The following KIAA0825 variants were observed in gnomAD, a reference collection of about 807,000 sequenced individuals.
KIAA0825 encodes the protein uncharacterized protein KIAA0825.
A neutral mutation model predicts 147.6 loss-of-function variants in KIAA0825; 119 were observed. The ratio of observed to expected loss-of-function variants is 0.81; its 90% confidence interval spans 0.69 to 0.94. The LOEUF (loss-of-function observed/expected upper bound fraction) is 0.94, where lower values mean the gene tolerates loss of function less well. Ranked by LOEUF, KIAA0825 falls within the 40% of genes least tolerant of loss-of-function variation. The pLI is 0.00. For synonymous variants in KIAA0825, 470 were observed against 518.1 expected (o/e 0.91, Z 1.26); for missense variants, 1,381 against 1,472.7 (o/e 0.94, Z 1.02).
chr5:94,332,173 A>G (rs1391535347), intron 20 of KIAA0825, among the ~76,000 whole-genome samples: 1 of 151,126 alleles, frequency 6.6e-6, no homozygotes, highest in Non-Finnish European at 1.5e-5. Flanking sequence ...AAAAAAAAAA[A>G]AAAAAGAAAA....
At chr5:94,339,073 T>C (rs1782095956) in intron 20 of KIAA0825, among the ~76,000 whole-genome samples, 1 of 152,186 alleles carries the variant, frequency 6.6e-6, no homozygotes, top group South Asian at 2.1e-4. Flanking sequence ...AAAATATTAA[T>C]AATGCTTTTT....
intron 13 of KIAA0825, among the ~76,000 whole-genome samples, chr5:94,450,250 G>T (rs898122221): frequency 8.7e-5 from 13 of 149,728 alleles, no homozygotes; most frequent in Admixed American, 2.7e-4. Flanking sequence ...TTTTCTATAT[G>T]TACTTTTTTT....
intron 20 of KIAA0825, among the ~76,000 whole-genome samples, chr5:94,175,870 C>T (rs1769047010): frequency 6.6e-6 from 1 of 152,026 alleles, no homozygotes; most frequent in African/African-American, 2.4e-5. Context: ...TTTGCCATAA[C>T]CTATAAATTT....
chr5:94,469,866 G>T, intron 10 of KIAA0825, 95 bp downstream of exon 10: 1 of 975,514 alleles, frequency 1.0e-6, no homozygotes, highest in Non-Finnish European at 1.4e-6. Flanking sequence ...TCGGGTATTA[G>T]TAATGCCAAG....
At chr5:94,405,898 C>T (rs1437010502) in intron 15 of KIAA0825, among the ~76,000 whole-genome samples, 1 of 152,024 alleles carries the variant, frequency 6.6e-6, no homozygotes, top group East Asian at 1.9e-4. Context: ...CCCTTTTCTA[C>T]TTTTACTGCT....
At chr5:94,394,306 C>T (rs1010555220) in intron 17 of KIAA0825, among the ~76,000 whole-genome samples, 8 of 152,172 alleles carry the variant, frequency 5.3e-5, no homozygotes, top group African/African-American at 1.9e-4. Flanking sequence ...GATATCATTT[C>T]AGAAATTGAG....
chr5:94,611,250 T>C (rs1040675571), intron 1 of KIAA0825, among the ~76,000 whole-genome samples: 2 of 152,254 alleles, frequency 1.3e-5, no homozygotes, highest in African/African-American at 4.8e-5. Flanking sequence ...CTGGTTCAAG[T>C]CACATGTTTC....
In KIAA0825 at chr5:94,229,618, G is replaced by A. The variant is rs372393092; in HGVS notation, c.3711-75494C>T. 5.7e-4 allele frequency among the ~76,000 whole-genome samples: 87 copies of A among 151,382 alleles called. 1 individual carries two copies. Among genetic ancestry groups the A allele is most frequent in the African/African-American group, 1.9e-3 (80 of 41,288 alleles). On this transcript the variant is annotated intron_variant, in intron 20 of 20. Coordinates refer to ENST00000682413, the MANE Select transcript of KIAA0825 (RefSeq NM_001145678.3). ...TATTTGGGCGTTAGGAAGACATCTCGAATTGTTATCGTTTCCTGTATTTTC... is the reference window on the plus strand; with the variant it reads ...TATTTGGGCGTTAGGAAGACATCTCAAATTGTTATCGTTTCCTGTATTTTC...
At chr5:94,330,412 A>G (rs1781150680) in intron 20 of KIAA0825, among the ~76,000 whole-genome samples, 1 of 152,212 alleles carries the variant, frequency 6.6e-6, no homozygotes, top group Non-Finnish European at 1.5e-5. Flanking sequence ...AATCAATAAC[A>G]AGGATATCTG....
At chr5:94,232,539 T>C (rs1377994692) in intron 20 of KIAA0825, among the ~76,000 whole-genome samples, 1 of 146,922 alleles carries the variant, frequency 6.8e-6, no homozygotes, top group Non-Finnish European at 1.5e-5. Flanking sequence ...TTACTTTTTT[T>C]ATGGAGGGAT....
In KIAA0825 at chr5:94,518,579, T is replaced by A. The variant is rs376366905; in HGVS notation, c.970+1669A>T. On this transcript the variant is annotated intron_variant, in intron 5 of 20. Coordinates refer to ENST00000682413, the MANE Select transcript of KIAA0825 (RefSeq NM_001145678.3). Reference sequence around the variant, plus strand: ...GTATCAATCCTGATTTCATACAACATGATCAGGGCAAGTTAATCTTTCTAA... The same window carrying A: ...GTATCAATCCTGATTTCATACAACAAGATCAGGGCAAGTTAATCTTTCTAA... 3.9e-5 allele frequency among the ~76,000 whole-genome samples: 6 copies of A among 152,280 alleles called. No homozygotes were observed. The South Asian group carries it at 1.2e-3, about 32-fold the overall frequency.
At chr5:94,494,387 G>C (rs1764116138) in intron 5 of KIAA0825, among the ~76,000 whole-genome samples, 1 of 144,058 alleles carries the variant, frequency 6.9e-6, no homozygotes, top group Admixed American at 7.0e-5. Flanking sequence ...GGCCAGTTTA[G>C]GCCACTGTTA....
At chr5:94,281,196 T>C (rs1468519297) in intron 20 of KIAA0825, among the ~76,000 whole-genome samples, 1 of 100,330 alleles carries the variant, frequency 1.0e-5, no homozygotes, top group Non-Finnish European at 2.1e-5. Context: ...CATAAGTGAT[T>C]TAACACACAC....
chr5:94,495,604 A>G (rs902154952), intron 5 of KIAA0825, among the ~76,000 whole-genome samples: 2 of 152,352 alleles, frequency 1.3e-5, no homozygotes, highest in Admixed American at 1.3e-4. Flanking sequence ...CTCACCAGTC[A>G]CCATCAGCTC....
chr5:94,606,238 C>T (rs1290532614), intron 1 of KIAA0825, among the ~76,000 whole-genome samples: 1 of 152,076 alleles, frequency 6.6e-6, no homozygotes, highest in African/African-American at 2.4e-5. Flanking sequence ...ACAAAACACT[C>T]CTCAAAGAAA....
intron 1 of KIAA0825, among the ~76,000 whole-genome samples, chr5:94,599,658 T>C (rs1785995378): frequency 6.6e-6 from 1 of 152,100 alleles, no homozygotes; most frequent in Admixed American, 6.6e-5. Flanking sequence ...AATTGATAAA[T>C]TGGACTGCAT....
chr5:94,241,550 T>A (rs944065531), intron 20 of KIAA0825, among the ~76,000 whole-genome samples: 3 of 152,210 alleles, frequency 2.0e-5, no homozygotes, highest in African/African-American at 7.2e-5. Context: ...TGGAAAATGG[T>A]TCCATTCACT....
chr5:94,574,904 T>C (rs531673421), intron 2 of KIAA0825, among the ~76,000 whole-genome samples: 2 of 152,282 alleles, frequency 1.3e-5, no homozygotes, highest in East Asian at 1.9e-4. Flanking sequence ...GTTCTCATCT[T>C]GACATTTCTA....
chr5:94,389,005 C>A (rs756484075), intron 18 of KIAA0825, among the ~76,000 whole-genome samples: 1 of 152,148 alleles, frequency 6.6e-6, no homozygotes, highest in African/African-American at 2.4e-5. Context: ...GGTAGATGCA[C>A]CTGACGGTCA....
Sources: allele counts gnomAD v4.1 joint callset (sites outside exome capture counted in the v4.1 genomes callset), GRCh38; gene constraint gnomAD v4.1.1; transcripts MANE v1.5; gene names NCBI Gene and HGNC (gene_info 2026-07-23, HGNC 2026-07-21).